The following CNOT10 variants were observed in gnomAD, a reference collection of about 807,000 sequenced individuals.
CNOT10 encodes the protein CCR4-NOT transcription complex subunit 10, also known as CCR4-NOT transcription complex, subunit 10.
In CNOT10, 30 loss-of-function variants were observed where a neutral mutation model predicts 94.6. That is an observed-to-expected ratio of 0.32 (90% CI 0.24 to 0.43). The LOEUF is 0.43. CNOT10 is among the 20% of genes least tolerant of loss of function. CNOT10 has a pLI of 1.00. For missense variants in CNOT10, 759 were observed against 877.2 expected (o/e 0.87, Z 1.70); for synonymous variants, 289 against 301.6 (o/e 0.96, Z 0.43).
chr3:32,727,617 T>C, intron 9 of CNOT10, 51 bp from the exon 10 acceptor site: 1 of 1,174,706 alleles, frequency 8.5e-7, no homozygotes, highest in South Asian at 1.2e-5. Flanking sequence ...TTTTCAAGGT[T>C]ACTATTACTG....
chr3:32,725,389 T>TG, intron 8 of CNOT10, 61 bp from the exon 9 acceptor site: 2 of 1,318,078 alleles, frequency 1.5e-6, no homozygotes, highest in Non-Finnish European at 2.2e-6. Context: ...GCCCAATTCT[T>TG]GTCTGAGGGA....
intron 13 of CNOT10, among the ~76,000 whole-genome samples, chr3:32,758,008 G>A (rs1252812024): frequency 6.6e-6 from 1 of 152,192 alleles, no homozygotes; most frequent in Non-Finnish European, 1.5e-5. Flanking sequence ...TGTATGCCTA[G>A]AACTTAGAAA....
At chr3:32,714,129 C>T (rs576764556) in intron 5 of CNOT10, among the ~76,000 whole-genome samples, 4 of 152,102 alleles carry the variant, frequency 2.6e-5, no homozygotes, top group East Asian at 3.9e-4. Context: ...AAATTCCCAC[C>T]GGCCACTTGT....
At chr3:32,700,867 C>T (rs538223809) in intron 1 of CNOT10, among the ~76,000 whole-genome samples, 7 of 152,156 alleles carry the variant, frequency 4.6e-5, no homozygotes, top group Non-Finnish European at 7.3e-5. Context: ...GTGCATGGAG[C>T]TTTTGCTGGT....
chr3:32,753,704 A>G, intron 13 of CNOT10: 2 of 1,590,446 alleles, frequency 1.3e-6, no homozygotes, highest in Non-Finnish European at 1.7e-6. Context: ...GAAGAAAATA[A>G]TGAAAAGTTG....
At chr3:32,704,722 A>G in intron 2 of CNOT10, 89 bp from the exon 3 acceptor site, 1 of 1,388,624 alleles carries the variant, frequency 7.2e-7, no homozygotes. Context: ...CTTTTAAGAT[A>G]AAGATGAATG....
intron 13 of CNOT10, among the ~76,000 whole-genome samples, chr3:32,740,083 C>T (rs535414468): frequency 6.6e-6 from 1 of 152,070 alleles, no homozygotes; most frequent in Non-Finnish European, 1.5e-5. Context: ...GATGACAGAT[C>T]GAGGCTCTGT....
At chr3:32,741,083 C>G (rs1418597954) in intron 13 of CNOT10, among the ~76,000 whole-genome samples, 1 of 152,064 alleles carries the variant, frequency 6.6e-6, no homozygotes, top group Non-Finnish European at 1.5e-5. Context: ...CTGCTCCTGC[C>G]CCTTATTTAA....
chr3:32,757,170 ATTT>A (rs1173513009), intron 13 of CNOT10, among the ~76,000 whole-genome samples: 1 of 78,294 alleles, frequency 1.3e-5, no homozygotes, highest in Admixed American at 2.4e-4. Context: ...CCCTGAACTA[ATTT>A]TTTTTTTTTT....
At chr3:32,716,183 A>G (rs1575230036) in intron 5 of CNOT10, 42 bp from the exon 6 acceptor site, 1 of 1,109,156 alleles carries the variant, frequency 9.0e-7, no homozygotes, top group Non-Finnish European at 1.3e-6. Context: ...ATTATGGTCA[A>G]AAATATTTAA....
intron 10 of CNOT10, among the ~76,000 whole-genome samples, chr3:32,732,556 A>G (rs1699007140): frequency 6.6e-6 from 1 of 151,902 alleles, no homozygotes; most frequent in Non-Finnish European, 1.5e-5. Flanking sequence ...ACTGTACTCC[A>G]TCCTGGGCAA....
intron 3 of CNOT10, among the ~76,000 whole-genome samples, chr3:32,705,550 T>G (rs1423370933): frequency 6.6e-6 from 1 of 152,190 alleles, no homozygotes; most frequent in Non-Finnish European, 1.5e-5. Flanking sequence ...GTATGCAACT[T>G]CTCAGCTTGT....
chr3:32,764,928 T>C, intron 17 of CNOT10, 119 bp downstream of exon 17: 1 of 1,513,938 alleles, frequency 6.6e-7, no homozygotes, highest in South Asian at 1.3e-5. Context: ...GGAATATCAC[T>C]TTCCCAGATA....
At position 32,713,417 on chromosome 3, in the gene CNOT10, C is replaced by T. The variant is rs181866578; in HGVS notation, c.573+48C>T. On this transcript the variant is annotated intron_variant, in intron 5 of 18. Coordinates refer to ENST00000328834, the MANE Select transcript of CNOT10 (RefSeq NM_015442.3). ...ACTAAAATCTAAAATGTGATTAATT[C>T]TCTCTACTTGTTGGTTTACTGGATT... 1.4e-3 allele frequency: 1,947 copies of T among 1,427,486 alleles called. 5 individuals carry two copies. The highest frequency in any genetic ancestry group is 1.6e-3 in the Non-Finnish European group (1,692 of 1,054,500). The allele number at this position is 1,427,486 out of a possible 1,614,324, so 88.4% of individuals were successfully genotyped here. A position where few individuals can be genotyped will look rare whatever the true frequency, so the allele number is the denominator to read the frequency against.
chr3:32,713,588 C>T (rs1697983229), intron 5 of CNOT10, among the ~76,000 whole-genome samples: 1 of 152,176 alleles, frequency 6.6e-6, no homozygotes, highest in Non-Finnish European at 1.5e-5. Context: ...ACAACCATTA[C>T]TACTATCTAA....
chr3:32,700,348 C>T (rs1462995021), intron 1 of CNOT10, among the ~76,000 whole-genome samples: 1 of 152,186 alleles, frequency 6.6e-6, no homozygotes, highest in African/African-American at 2.4e-5. Flanking sequence ...CTATTTAATA[C>T]AGACTCTCAT....
chr3:32,712,159 G>GTTTT (rs1363336497), intron 4 of CNOT10, among the ~76,000 whole-genome samples: 1 of 115,390 alleles, frequency 8.7e-6, no homozygotes, highest in African/African-American at 3.5e-5. Flanking sequence ...TCAGGTGTTT[G>GTTTT]TTTGTTTTTT....
At chr3:32,743,184 A>G (rs1403069879) in intron 13 of CNOT10, among the ~76,000 whole-genome samples, 1 of 151,804 alleles carries the variant, frequency 6.6e-6, no homozygotes, top group Admixed American at 6.6e-5. Flanking sequence ...GTGGGGTTTC[A>G]CCATGTTGGT....
intron 13 of CNOT10, among the ~76,000 whole-genome samples, chr3:32,750,638 G>T (rs1044265975): frequency 9.9e-5 from 15 of 150,950 alleles, no homozygotes; most frequent in African/African-American, 3.7e-4. Context: ...TCCAACCTCC[G>T]CCTCCTGGGT....
Sources: gnomAD v4.1 joint callset for allele counts (sites outside exome capture counted in the v4.1 genomes callset) on GRCh38, gnomAD v4.1.1 for gene constraint, MANE v1.5 for transcripts, NCBI Gene and HGNC (gene_info 2026-07-23, HGNC 2026-07-21) for gene names.